Variants in AFF2 observed in about 807,000 individuals in gnomAD.
AFF2 encodes ALF transcription elongation factor 2, also known as AF4/FMR2 family member 2.
Under a neutral mutation model 76.9 loss-of-function variants are expected in AFF2, and 14 were observed. The observed-to-expected ratio is 0.18, with a 90% confidence interval of 0.12 to 0.28. AFF2 has a LOEUF of 0.28. AFF2 is among the 10% of genes least tolerant of loss of function. The probability of loss-of-function intolerance (pLI) is 1.00; values close to 1 mark genes in which losing one functional copy is unlikely to be tolerated. For synonymous variants in AFF2, 398 were observed against 366.7 expected, an observed-to-expected ratio of 1.09 and a Z score of -0.98; for missense variants, 868 against 1,001.1, an observed-to-expected ratio of 0.87 and a Z score of 1.79.
chrX:148,670,371 G>A (rs1287289953), intron 3 of AFF2, among the ~76,000 whole-genome samples: 1 of 111,797 alleles, frequency 8.9e-6, no homozygotes, highest in Admixed American at 9.5e-5. Flanking sequence ...ATATTGGGTG[G>A]TATTAGAGTA....
chrX:148,682,527 G>A, intron 3 of AFF2, among the ~76,000 whole-genome samples: 1 of 110,771 alleles, frequency 9.0e-6, no homozygotes, highest in East Asian at 2.9e-4. Context: ...AGGTGTTTTT[G>A]GAGACTAGGC....
At chrX:148,766,394 A>G (rs1557267743) in intron 3 of AFF2, among the ~76,000 whole-genome samples, 3 of 109,944 alleles carry the variant, frequency 2.7e-5, no homozygotes, top group Admixed American at 9.7e-5. Flanking sequence ...AATGATCGCC[A>G]TTCTAACTGG....
intron 1 of AFF2, among the ~76,000 whole-genome samples, chrX:148,610,644 T>C (rs1204927408): frequency 8.1e-5 from 9 of 111,240 alleles, no homozygotes; most frequent in African/African-American, 2.9e-4. Flanking sequence ...GATTTATTTA[T>C]GCAAGTGAAC....
At chrX:148,944,721 G>A (rs1189455506) in intron 9 of AFF2, among the ~76,000 whole-genome samples, 1 of 110,047 alleles carries the variant, frequency 9.1e-6, no homozygotes, top group Non-Finnish European at 1.9e-5. Context: ...AGCCAACGTT[G>A]GCCAGTCTTA....
intron 3 of AFF2, among the ~76,000 whole-genome samples, chrX:148,696,099 GTTGTA>G (rs1397552990): frequency 1.8e-5 from 2 of 112,070 alleles, no homozygotes; most frequent in East Asian, 5.6e-4. Context: ...GTTGCATAAT[GTTGTA>G]TAATGTTGCC....
intron 19 of AFF2, among the ~76,000 whole-genome samples, chrX:148,981,876 G>A (rs2072398804): frequency 8.9e-6 from 1 of 112,508 alleles, no homozygotes; most frequent in African/African-American, 3.2e-5. Context: ...CATTCAGTGC[G>A]AGGGAACAGA....
rs1259215639 is a variant in AFF2 at position 148,500,849 on chromosome X, C to T, written c.-249C>T. The T allele has an allele frequency of 1.8e-5, 5 of 270,756 alleles. No homozygotes were observed. Among genetic ancestry groups the T allele is most frequent in the Non-Finnish European group, 3.2e-5 (5 of 157,331 alleles). The allele number at this position is 270,756 out of a possible 1,213,427, so 22.3% of individuals were successfully genotyped here. Reference sequence around the variant, plus strand: ...GCTGGGTGCGCGGGCTACCGCGGACCGAGCGGACCCGAGTGGGCGACCAGG... The same window carrying T: ...GCTGGGTGCGCGGGCTACCGCGGACTGAGCGGACCCGAGTGGGCGACCAGG... On this transcript the variant is annotated 5_prime_UTR_variant, in exon 1 of 21. Coordinates refer to ENST00000370460, the MANE Select transcript of AFF2 (RefSeq NM_002025.4).
At chrX:148,964,564 G>A (rs782709844) in intron 13 of AFF2, among the ~76,000 whole-genome samples, 153 of 111,904 alleles carry the variant, frequency 1.4e-3, no homozygotes, top group Non-Finnish European at 2.1e-3. Context: ...ATGTGATTCC[G>A]TTGACATGAG....
intron 3 of AFF2, among the ~76,000 whole-genome samples, chrX:148,684,997 G>A (rs1180591605): frequency 8.9e-6 from 1 of 112,425 alleles, no homozygotes; most frequent in East Asian, 2.8e-4. Flanking sequence ...AGTATTTTTA[G>A]TGTTTAAGGA....
chrX:148,889,636 C>T (rs2071199866), intron 8 of AFF2, among the ~76,000 whole-genome samples: 1 of 112,010 alleles, frequency 8.9e-6, no homozygotes, highest in Non-Finnish European at 1.9e-5. Flanking sequence ...TCCTCTACTG[C>T]ATTTGACTTT....
intron 1 of AFF2, among the ~76,000 whole-genome samples, chrX:148,506,183 C>T (rs1227642227): frequency 9.0e-6 from 1 of 111,630 alleles, no homozygotes. Context: ...GTGATGCAAT[C>T]CAGGTTTCAG....
At chrX:148,720,024 C>G (rs2055072176) in intron 3 of AFF2, among the ~76,000 whole-genome samples, 1 of 111,282 alleles carries the variant, frequency 9.0e-6, no homozygotes, top group Non-Finnish European at 1.9e-5. Context: ...TCCCCCAACT[C>G]TACTCTATTT....
At chrX:148,980,931 C>T (rs782094587) in intron 19 of AFF2, 141 bp downstream of exon 19, 5 of 362,879 alleles carry the variant, frequency 1.4e-5, no homozygotes, top group South Asian at 5.2e-5. Flanking sequence ...AGCCAGGCTT[C>T]GGCTAATGGC....
chrX:148,958,259 C>A, intron 11 of AFF2, 78 bp from the exon 12 acceptor site: 1 of 1,147,289 alleles, frequency 8.7e-7, no homozygotes, highest in South Asian at 2.0e-5. Flanking sequence ...GTATCTTGCT[C>A]ATTTTTAGTG....
intron 9 of AFF2, among the ~76,000 whole-genome samples, chrX:148,933,783 T>G (rs932057473): frequency 1.8e-5 from 2 of 112,076 alleles, no homozygotes; most frequent in Non-Finnish European, 3.8e-5. Flanking sequence ...ATGGAAATAT[T>G]TAAATAATTT....
chrX:148,710,272 C>G (rs782256877), intron 3 of AFF2, among the ~76,000 whole-genome samples: 1 of 111,744 alleles, frequency 8.9e-6, no homozygotes, highest in East Asian at 2.8e-4. Flanking sequence ...AAAATATATG[C>G]AGTGATAAAA....
intron 3 of AFF2, among the ~76,000 whole-genome samples, chrX:148,794,998 A>T (rs2069949002): frequency 8.9e-6 from 1 of 112,016 alleles, no homozygotes; most frequent in South Asian, 3.8e-4. Flanking sequence ...TTTCATCTTA[A>T]AAAATGAAAC....
chrX:148,504,342 T>TA (rs782148815), intron 1 of AFF2, among the ~76,000 whole-genome samples: 2 of 109,084 alleles, frequency 1.8e-5, no homozygotes, highest in African/African-American at 3.4e-5. Context: ...GACACATTCT[T>TA]AAAAAAAAGA....
chrX:148,609,913 C>T lies in AFF2; in HGVS notation c.48-42086C>T, dbSNP rs1464307530. On this transcript the variant is annotated intron_variant, in intron 1 of 20. Coordinates refer to ENST00000370460, the MANE Select transcript of AFF2 (RefSeq NM_002025.4). The stretch of plus-strand genomic sequence containing the variant: ...CTGAGCAAAGTGGCCTAAGCTTTGC[C>T]CCTCCCACATCCATCTTGTTCTTAG... Among the ~76,000 whole-genome samples the T allele has an allele frequency of 4.5e-5, 5 of 111,392 alleles. No individual in the cohort carries two copies. The East Asian group carries it at 1.4e-3, about 32-fold the overall frequency.
Sources: allele counts gnomAD v4.1 joint callset (sites outside exome capture counted in the v4.1 genomes callset), GRCh38; gene constraint gnomAD v4.1.1; transcripts MANE v1.5; gene names NCBI Gene and HGNC (gene_info 2026-07-23, HGNC 2026-07-21).